JARID2: variants seen among roughly 807,000 people sequenced by gnomAD.
JARID2 encodes the protein jumonji and AT-rich interaction domain containing 2, also known as protein Jumonji.
JARID2 carries 21 observed loss-of-function variants against 125.6 expected under a neutral mutation model. The ratio of observed to expected loss-of-function variants is 0.17; its 90% CI spans 0.12 to 0.24. The LOEUF (loss-of-function observed/expected upper bound fraction) is 0.24. Among genes scored for constraint, JARID2 ranks in the 10% least tolerant of loss-of-function variants. The pLI is 1.00. For synonymous variants in JARID2, 736 were observed against 661.6 expected (o/e 1.11, Z -1.73); for missense variants, 1,303 against 1,639.6 (o/e 0.79, Z 3.55).
chr6:15,410,827 T>G (rs1765845274), intron 3 of JARID2, among the ~76,000 whole-genome samples: 1 of 152,238 alleles, frequency 6.6e-6, no homozygotes, highest in Non-Finnish European at 1.5e-5. Flanking sequence ...CTTGCTGTTT[T>G]ACCAAGTTCC....
At chr6:15,338,458 T>A (rs1012597723) in intron 1 of JARID2, among the ~76,000 whole-genome samples, 32 of 152,244 alleles carry the variant, frequency 2.1e-4, no homozygotes, top group African/African-American at 7.2e-4. Flanking sequence ...CCATTTATTT[T>A]GATACCATTT....
At chr6:15,333,219 A>T (rs956272338) in intron 1 of JARID2, among the ~76,000 whole-genome samples, 3 of 152,138 alleles carry the variant, frequency 2.0e-5, no homozygotes, top group African/African-American at 7.2e-5. Flanking sequence ...GGCATGAGCC[A>T]CCGTGCCCGG....
At chr6:15,479,172 G>C (rs975613842) in intron 5 of JARID2, among the ~76,000 whole-genome samples, 1 of 152,062 alleles carries the variant, frequency 6.6e-6, no homozygotes, top group Non-Finnish European at 1.5e-5. Context: ...TACCATTAAC[G>C]CAAACATTTT....
chr6:15,432,591 C>G (rs1767016166), intron 3 of JARID2, among the ~76,000 whole-genome samples: 1 of 152,214 alleles, frequency 6.6e-6, no homozygotes. Flanking sequence ...CCATTGGTTA[C>G]TTGGTGTATG....
At chr6:15,318,839 C>G (rs993062125) in intron 1 of JARID2, among the ~76,000 whole-genome samples, 1 of 151,934 alleles carries the variant, frequency 6.6e-6, no homozygotes, top group Admixed American at 6.6e-5. Context: ...GTGGGGTAGG[C>G]GAGAAAGGGG....
chr6:15,420,196 AGTTC>A (rs1347051743), intron 3 of JARID2, among the ~76,000 whole-genome samples: 2 of 152,160 alleles, frequency 1.3e-5, no homozygotes, highest in Non-Finnish European at 2.9e-5. Flanking sequence ...CCAGGTCAGG[AGTTC>A]AAGACCTTCC....
At chr6:15,339,695 C>T (rs1275355650) in intron 1 of JARID2, among the ~76,000 whole-genome samples, 1 of 152,012 alleles carries the variant, frequency 6.6e-6, no homozygotes, top group Non-Finnish European at 1.5e-5. Flanking sequence ...GCCTCCACAC[C>T]CAGCTAATTT....
In JARID2 at chr6:15,517,215, G is replaced by C; in HGVS notation, c.3505G>C (p.Val1169Leu). 1 of 1,614,116 alleles carries C rather than the reference G, an allele frequency of 6.2e-7. No individual in the cohort carries two copies. The highest frequency in any genetic ancestry group is 8.5e-7 in the Non-Finnish European group (1 of 1,179,978). ...VFCLECALRH[V>L]EKQKSCRGLK... Reference sequence around the variant, plus strand: ...CTGTCTGGAGTGTGCTCTGCGCCACGTGGAGAAACAGAAGTCCTGCCGAGG... The same window carrying C: ...CTGTCTGGAGTGTGCTCTGCGCCACCTGGAGAAACAGAAGTCCTGCCGAGG... The change falls in exon 17 of 18, where the codon GTG (valine) becomes CTG (leucine). Residue 1169 changes from valine to leucine, a missense_variant. By Grantham distance (32) the Val-to-Leu change is conservative. Coordinates refer to ENST00000341776, the MANE Select transcript of JARID2 (RefSeq NM_004973.4).
At chr6:15,427,625 T>G (rs1766786333) in intron 3 of JARID2, among the ~76,000 whole-genome samples, 1 of 152,086 alleles carries the variant, frequency 6.6e-6, no homozygotes, top group East Asian at 1.9e-4. Context: ...CCTCCTTGCC[T>G]TTTCACACCC....
At chr6:15,328,293 T>A (rs1374306844) in intron 1 of JARID2, among the ~76,000 whole-genome samples, 1 of 152,136 alleles carries the variant, frequency 6.6e-6, no homozygotes, top group Admixed American at 6.5e-5. Flanking sequence ...CAAAACATAG[T>A]AAAGCTGCTA....
rs1432894743 is a variant in JARID2 at position 15,418,096 on chromosome 6, A to G, written c.323+7731A>G. 2.6e-5 allele frequency among the ~76,000 whole-genome samples: 4 copies of G among 152,168 alleles called. No homozygotes were observed. In the East Asian group the frequency reaches 7.7e-4, roughly 29 times the overall value. On this transcript the variant is annotated intron_variant, in intron 3 of 17. Coordinates refer to ENST00000341776, the MANE Select transcript of JARID2 (RefSeq NM_004973.4). Reference sequence around the variant, plus strand: ...TAGTATTTGCCTGAATGGAGCAGGCAAGAGTGGTGGGGTGAGGAGATTCCA... The same window carrying G: ...TAGTATTTGCCTGAATGGAGCAGGCGAGAGTGGTGGGGTGAGGAGATTCCA...
intron 1 of JARID2, among the ~76,000 whole-genome samples, chr6:15,359,298 G>A (rs1763708963): frequency 6.6e-6 from 1 of 152,190 alleles, no homozygotes; most frequent in African/African-American, 2.4e-5. Flanking sequence ...ATGTTGCGCT[G>A]CTGTATACTT....
At chr6:15,501,967 C>T (rs116044794) in intron 8 of JARID2, among the ~76,000 whole-genome samples, 1,639 of 152,262 alleles carry the variant, frequency 0.011, 29 homozygotes, top group African/African-American at 0.035. Flanking sequence ...GGACTCTGTG[C>T]GCTTGTTTTC....
intron 3 of JARID2, among the ~76,000 whole-genome samples, chr6:15,438,460 A>G (rs999449297): frequency 2.6e-5 from 4 of 152,174 alleles, no homozygotes; most frequent in African/African-American, 9.7e-5. Context: ...TTCATCTGTG[A>G]ATTGCAGAGC....
At chr6:15,304,323 A>G (rs1329529379) in intron 1 of JARID2, among the ~76,000 whole-genome samples, 2 of 39,578 alleles carry the variant, frequency 5.1e-5, no homozygotes, top group Non-Finnish European at 9.0e-5. Context: ...CCCCCCGCCC[A>G]CCCACTGTAA....
chr6:15,445,905 T>A (rs1195484491), intron 3 of JARID2, among the ~76,000 whole-genome samples: 1 of 152,192 alleles, frequency 6.6e-6, no homozygotes, highest in Non-Finnish European at 1.5e-5. Context: ...AGCCTCTATA[T>A]TCAAGACACA....
chr6:15,260,044 AGTATTGGTATTGACACTCT>A (rs1759812749), intron 1 of JARID2, among the ~76,000 whole-genome samples: 1 of 152,242 alleles, frequency 6.6e-6, no homozygotes, highest in South Asian at 2.1e-4. Flanking sequence ...TTTGCTTAAT[AGTATTGGTATTGACACTCT>A]GACAGATCTT....
chr6:15,504,711 G>GCT (rs1289040613), intron 9 of JARID2, 119 bp downstream of exon 9: 4 of 679,128 alleles, frequency 5.9e-6, no homozygotes, highest in Admixed American at 2.3e-5. Context: ...CTCAGATGGG[G>GCT]CTGAGTTCGT....
chr6:15,469,296 CTG>C lies in JARID2; in HGVS notation c.670+580_670+581del, dbSNP rs780675395. On this transcript the variant is annotated intron_variant, in intron 5 of 17. Coordinates refer to ENST00000341776, the MANE Select transcript of JARID2 (RefSeq NM_004973.4). ...TCTCTGTCTCTCTGTCTCTGTCTCT[CTG>C]TCTCTGTCTCTCTCTCTCTGTCTCT... Among the ~76,000 whole-genome samples, 800 of 112,748 alleles carry C rather than the reference CTG, an allele frequency of 7.1e-3. 23 individuals are homozygous for C. The highest frequency in any genetic ancestry group is 0.023 in the African/African-American group (701 of 30,356). The allele number at this position is 112,748 out of a possible 152,430, so 74.0% of individuals were successfully genotyped here.
Sources: gnomAD v4.1 joint callset for allele counts (sites outside exome capture counted in the v4.1 genomes callset) on GRCh38, gnomAD v4.1.1 for gene constraint, MANE v1.5 for transcripts, NCBI Gene and HGNC (gene_info 2026-07-23, HGNC 2026-07-21) for gene names.